C8orf89: variants seen among roughly 807,000 people sequenced by gnomAD.
C8orf89 encodes the protein putative uncharacterized protein C8orf89.
A neutral mutation model predicts 15.8 loss-of-function variants in C8orf89; 14 were observed. The ratio of observed to expected loss-of-function variants is 0.89; its 90% CI spans 0.59 to 1.39. The LOEUF is 1.39. Ranked by LOEUF, C8orf89 falls within the 40% of genes most tolerant of loss-of-function variation. The pLI, the probability that C8orf89 is intolerant of heterozygous loss-of-function variation, is 0.00. For synonymous variants in C8orf89, 55 were observed against 62.2 expected (o/e 0.88, Z 0.54); for missense variants, 181 against 184.5 (o/e 0.98, Z 0.11).
chr8:73,263,026 C>T (rs7016621), upstream of C8orf89, among the ~76,000 whole-genome samples: 870 of 151,894 alleles, frequency 5.7e-3, 6 homozygotes, highest in Middle Eastern at 0.055. Flanking sequence ...CACACACACA[C>T]GTAGGAAGAG....
chr8:73,254,437 G>T (rs184035318), intron 2 of C8orf89, among the ~76,000 whole-genome samples: 501 of 152,226 alleles, frequency 3.3e-3, no homozygotes, highest in Non-Finnish European at 5.8e-3. Context: ...TCAGGATGAT[G>T]CTGGCCCAAA....
the C8orf89 span, among the ~76,000 whole-genome samples, chr8:73,271,426 G>T: frequency 6.6e-6 from 1 of 152,120 alleles, no homozygotes; most frequent in Admixed American, 6.5e-5. Flanking sequence ...TACATCTCAG[G>T]AGAGGGAGTT....
chr8:73,266,422 A>G, the C8orf89 span, among the ~76,000 whole-genome samples: 1 of 152,216 alleles, frequency 6.6e-6, no homozygotes, highest in African/African-American at 2.4e-5. Flanking sequence ...TGGAATATGA[A>G]TGGCTTACAC....
the C8orf89 span, among the ~76,000 whole-genome samples, chr8:73,281,625 G>A: frequency 6.7e-6 from 1 of 148,872 alleles, no homozygotes; most frequent in South Asian, 2.1e-4. Context: ...TGGAGAAGTA[G>A]GAAGGTTTTC....
chr8:73,249,191 G>A (rs1414685707), intron 3 of C8orf89, among the ~76,000 whole-genome samples: 3 of 152,078 alleles, frequency 2.0e-5, no homozygotes, highest in African/African-American at 7.2e-5. Context: ...TGTGGTTTTT[G>A]TCTTTAGCTC....
intron 2 of C8orf89, among the ~76,000 whole-genome samples, chr8:73,253,211 G>A (rs1306638078): frequency 6.6e-6 from 1 of 152,194 alleles, no homozygotes; most frequent in African/African-American, 2.4e-5. Context: ...CAAAGCAGAA[G>A]CTGAGTAGAA....
At chr8:73,275,093 G>A in the C8orf89 span, among the ~76,000 whole-genome samples, 1 of 152,156 alleles carries the variant, frequency 6.6e-6, no homozygotes, top group Admixed American at 6.5e-5. Flanking sequence ...TGTAAGATGT[G>A]CAGATATTTA....
chr8:73,279,191 G>T, the C8orf89 span, among the ~76,000 whole-genome samples: 1 of 152,118 alleles, frequency 6.6e-6, no homozygotes, highest in Non-Finnish European at 1.5e-5. Context: ...CTGCTTCCTT[G>T]CAGTTAATTT....
intron 1 of C8orf89, among the ~76,000 whole-genome samples, chr8:73,258,194 A>T (rs1355948711): frequency 6.6e-6 from 1 of 152,052 alleles, no homozygotes; most frequent in African/African-American, 2.4e-5. Context: ...GGCAGATCAC[A>T]AGGTCAGGAG....
chr8:73,270,493 GAAAACAAAAC>G, the C8orf89 span, among the ~76,000 whole-genome samples: 3 of 152,072 alleles, frequency 2.0e-5, no homozygotes, highest in African/African-American at 7.2e-5. Context: ...TTATGCAACA[GAAAACAAAAC>G]AAAACAAAAC....
At chr8:73,278,923 C>T in the C8orf89 span, among the ~76,000 whole-genome samples, 1,969 of 152,222 alleles carry the variant, frequency 0.013, 18 homozygotes, top group Non-Finnish European at 0.019. Context: ...TACGACAACT[C>T]TTTTTTTCTT....
At chr8:73,268,457 C>A in the C8orf89 span, among the ~76,000 whole-genome samples, 1 of 151,040 alleles carries the variant, frequency 6.6e-6, no homozygotes, top group Admixed American at 6.6e-5. Flanking sequence ...CCAGCCTGGG[C>A]GACAGGGTGA....
At chr8:73,268,259 C>T in the C8orf89 span, among the ~76,000 whole-genome samples, 1 of 152,094 alleles carries the variant, frequency 6.6e-6, no homozygotes, top group Admixed American at 6.5e-5. Flanking sequence ...GCAGGCAGAT[C>T]ACGAGGTCAG....
chr8:73,257,288 CCTGACT>C (rs1284774435), intron 1 of C8orf89, among the ~76,000 whole-genome samples, 162 bp from the exon 2 acceptor site: 1 of 152,144 alleles, frequency 6.6e-6, no homozygotes, highest in Non-Finnish European at 1.5e-5. Flanking sequence ...CCTTCTACAT[CCTGACT>C]ATAGGGACTG....
At chr8:73,241,993 C>T (rs781092705) in intron 3 of C8orf89, among the ~76,000 whole-genome samples, 3 of 151,792 alleles carry the variant, frequency 2.0e-5, no homozygotes, top group African/African-American at 2.4e-5. Flanking sequence ...AAAAAAAAAT[C>T]GAAATGGATT....
chr8:73,259,204 C>T (rs1813473521), intron 1 of C8orf89, 128 bp downstream of exon 1: 1 of 551,116 alleles, frequency 1.8e-6, no homozygotes, highest in Admixed American at 4.2e-5. Context: ...TTTTCTTTTT[C>T]ATCAATTTAA....
chr8:73,265,045 G>C, the C8orf89 span, among the ~76,000 whole-genome samples: 1 of 151,894 alleles, frequency 6.6e-6, no homozygotes, highest in South Asian at 2.1e-4. Flanking sequence ...TGTGCTATAA[G>C]TGTAAAATAC....
chr8:73,268,627 AT>A, the C8orf89 span, among the ~76,000 whole-genome samples: 1 of 152,200 alleles, frequency 6.6e-6, no homozygotes, highest in African/African-American at 2.4e-5. Context: ...ATTATGATTA[AT>A]TTTTTAAGAT....
At chr8:73,255,439 G>C (rs1813349290) in intron 2 of C8orf89, among the ~76,000 whole-genome samples, 1 of 152,118 alleles carries the variant, frequency 6.6e-6, no homozygotes, top group Admixed American at 6.6e-5. Flanking sequence ...ACACCAGTTA[G>C]AATGGCAATC....
Sources: gnomAD v4.1 joint callset for allele counts (sites outside exome capture counted in the v4.1 genomes callset) on GRCh38, gnomAD v4.1.1 for gene constraint, MANE v1.5 for transcripts, NCBI Gene and HGNC (gene_info 2026-07-23, HGNC 2026-07-21) for gene names.